FBXO4: variants seen among roughly 807,000 people sequenced by gnomAD.
FBXO4 encodes F-box protein 4, also known as F-box only protein 4.
In FBXO4, 36 loss-of-function variants were observed where a neutral mutation model predicts 43.7. The ratio of observed to expected loss-of-function variants is 0.82; its 90% CI spans 0.63 to 1.09. The LOEUF (loss-of-function observed/expected upper bound fraction) is 1.09, where lower values mean the gene tolerates loss of function less well. Among genes scored for constraint, FBXO4 ranks in the 50% least tolerant of loss-of-function variants. The pLI is 0.00. For missense variants in FBXO4, 435 were observed against 474.1 expected (o/e 0.92, Z 0.77); for synonymous variants, 180 against 165.6 (o/e 1.09, Z -0.67).
the FBXO4 span, among the ~76,000 whole-genome samples, chr5:41,980,799 A>G: frequency 4.5e-4 from 69 of 151,920 alleles, no homozygotes; most frequent in Non-Finnish European, 1.6e-4. Context: ...TTTTAACCCA[A>G]GTATTTTTTT....
intron 2 of FBXO4, among the ~76,000 whole-genome samples, chr5:41,927,785 G>C (rs545926594): frequency 2.0e-5 from 3 of 152,276 alleles, no homozygotes; most frequent in Non-Finnish European, 4.4e-5. Context: ...CATGCAACAA[G>C]AAGGTGTTAT....
At chr5:41,957,356 C>T in the FBXO4 span, among the ~76,000 whole-genome samples, 1 of 149,760 alleles carries the variant, frequency 6.7e-6, no homozygotes, top group South Asian at 2.1e-4. Flanking sequence ...TTCACTGATT[C>T]CTTCCTCTGA....
At chr5:42,000,699 GTTC>G in the FBXO4 span, among the ~76,000 whole-genome samples, 1 of 151,980 alleles carries the variant, frequency 6.6e-6, no homozygotes, top group Non-Finnish European at 1.5e-5. Context: ...TCCCTTATGT[GTTC>G]TTCTACTTGT....
chr5:41,999,532 T>C, the FBXO4 span, among the ~76,000 whole-genome samples: 1 of 101,934 alleles, frequency 9.8e-6, no homozygotes, highest in African/African-American at 5.3e-5. Flanking sequence ...TACATATATA[T>C]ATACATATAT....
the FBXO4 span, among the ~76,000 whole-genome samples, chr5:41,950,778 G>A: frequency 6.6e-6 from 1 of 152,106 alleles, no homozygotes; most frequent in Non-Finnish European, 1.5e-5. Flanking sequence ...GTTTATTGCA[G>A]CACTGTTCAC....
the FBXO4 span, among the ~76,000 whole-genome samples, chr5:41,948,581 G>A: frequency 1.3e-5 from 2 of 151,684 alleles, no homozygotes; most frequent in African/African-American, 4.9e-5. Flanking sequence ...CCTCCCTTTG[G>A]TGATACCGTT....
chr5:41,955,313 G>T, the FBXO4 span, among the ~76,000 whole-genome samples: 2 of 152,106 alleles, frequency 1.3e-5, no homozygotes, highest in Admixed American at 6.6e-5. Flanking sequence ...AGGTTACATA[G>T]ATTTAGTATA....
chr5:42,033,624 T>G, the FBXO4 span, among the ~76,000 whole-genome samples: 17 of 152,152 alleles, frequency 1.1e-4, no homozygotes, highest in Non-Finnish European at 1.8e-4. Context: ...ACTGAGAACA[T>G]GCAGTGTTTT....
chr5:42,018,711 TC>T, the FBXO4 span, among the ~76,000 whole-genome samples: 6 of 152,274 alleles, frequency 3.9e-5, no homozygotes, highest in African/African-American at 9.6e-5. Flanking sequence ...TTTACCTTTT[TC>T]CCCCAAAAGC....
the FBXO4 span, among the ~76,000 whole-genome samples, chr5:42,023,502 A>G: frequency 1.3e-5 from 2 of 152,090 alleles, no homozygotes; most frequent in Admixed American, 1.3e-4. Flanking sequence ...TACATGGTCT[A>G]TAATAAGCCA....
At chr5:41,966,062 C>G in the FBXO4 span, among the ~76,000 whole-genome samples, 2 of 152,132 alleles carry the variant, frequency 1.3e-5, no homozygotes, top group Admixed American at 6.5e-5. Flanking sequence ...AAACCAAACA[C>G]TGCATATTCT....
At chr5:41,963,759 T>C in the FBXO4 span, 12,103 of 152,212 alleles carry the variant, frequency 0.08, 689 homozygotes, top group African/African-American at 0.16. Context: ...TTGGTCTTGA[T>C]GTCTTGGGGT....
At chr5:42,012,846 T>G in the FBXO4 span, among the ~76,000 whole-genome samples, 677 of 152,310 alleles carry the variant, frequency 4.4e-3, 7 homozygotes, top group African/African-American at 0.016. Flanking sequence ...TATTAGATGT[T>G]TGTTGTAAGA....
chr5:42,001,598 T>G, the FBXO4 span, among the ~76,000 whole-genome samples: 1 of 152,348 alleles, frequency 6.6e-6, no homozygotes, highest in Middle Eastern at 3.4e-3. Flanking sequence ...GTACAAGTCT[T>G]TCACCTCTTT....
chr5:42,027,269 A>G, the FBXO4 span, among the ~76,000 whole-genome samples: 20 of 151,556 alleles, frequency 1.3e-4, no homozygotes, highest in African/African-American at 4.6e-4. Context: ...TCCTAGTTCA[A>G]TTGGTAGGTT....
chr5:41,996,866 T>A, the FBXO4 span, among the ~76,000 whole-genome samples: 7 of 152,186 alleles, frequency 4.6e-5, no homozygotes, highest in African/African-American at 1.7e-4. Flanking sequence ...TTATTTCCCA[T>A]CCTCTGGCAC....
intron 6 of FBXO4, among the ~76,000 whole-genome samples, chr5:41,940,983 A>G (rs191822906): frequency 1.4e-3 from 217 of 152,340 alleles, no homozygotes; most frequent in Non-Finnish European, 6.5e-4. Flanking sequence ...TCCAAGGCAA[A>G]TAAACTTTAT....
At chr5:42,021,419 T>C in the FBXO4 span, among the ~76,000 whole-genome samples, 4 of 152,134 alleles carry the variant, frequency 2.6e-5, no homozygotes, top group East Asian at 5.8e-4. Context: ...GATCATATTG[T>C]CATTGAAATT....
the FBXO4 span, among the ~76,000 whole-genome samples, chr5:42,014,144 A>G: frequency 6.6e-6 from 1 of 152,232 alleles, no homozygotes; most frequent in South Asian, 2.1e-4. Context: ...TCTTCCCCAT[A>G]TCACTCCTAC....
Sources: allele counts gnomAD v4.1 joint callset (sites outside exome capture counted in the v4.1 genomes callset), GRCh38; gene constraint gnomAD v4.1.1; transcripts MANE v1.5; gene names NCBI Gene and HGNC (gene_info 2026-07-23, HGNC 2026-07-21).